Variants in NRG3 observed in about 807,000 individuals in gnomAD.
NRG3 encodes neuregulin 3, also known as pro-neuregulin-3, membrane-bound isoform.
In NRG3, 31 loss-of-function variants were observed where a neutral mutation model predicts 66.9. That is an observed-to-expected ratio of 0.46 (90% confidence interval 0.35 to 0.63). NRG3 has a LOEUF of 0.63. Among genes scored for constraint, NRG3 ranks in the 20% least tolerant of loss-of-function variants. The probability of loss-of-function intolerance (pLI) is 0.00; values close to 1 mark genes in which losing one functional copy is unlikely to be tolerated. For synonymous variants in NRG3, 393 were observed against 359.4 expected (o/e 1.09, Z -1.06); for missense variants, 910 against 878.9 (o/e 1.04, Z -0.45).
chr10:82,210,197 A>C (rs1419720517), intron 1 of NRG3, among the ~76,000 whole-genome samples: 1 of 152,172 alleles, frequency 6.6e-6, no homozygotes, highest in African/African-American at 2.4e-5. Flanking sequence ...CTTTACAGAT[A>C]CAGAGTTAAT....
intron 1 of NRG3, among the ~76,000 whole-genome samples, chr10:82,278,616 A>G (rs1374513914): frequency 6.6e-6 from 1 of 152,156 alleles, no homozygotes; most frequent in Non-Finnish European, 1.5e-5. Flanking sequence ...TTGTTTAACA[A>G]TGATTTGAGA....
intron 2 of NRG3, among the ~76,000 whole-genome samples, chr10:82,591,327 A>G (rs983963069): frequency 2.6e-5 from 4 of 152,222 alleles, no homozygotes; most frequent in Non-Finnish European, 4.4e-5. Flanking sequence ...GAAATGGGGA[A>G]AAAATGATAA....
intron 2 of NRG3, among the ~76,000 whole-genome samples, chr10:82,556,308 C>T (rs1205058062): frequency 6.6e-6 from 1 of 152,152 alleles, no homozygotes; most frequent in African/African-American, 2.4e-5. Context: ...AGTTAAGTTA[C>T]AATCTTAGAC....
At chr10:82,530,570 A>G (rs1847149174) in intron 2 of NRG3, among the ~76,000 whole-genome samples, 1 of 151,950 alleles carries the variant, frequency 6.6e-6, no homozygotes, top group South Asian at 2.1e-4. Context: ...CTCATTTCTA[A>G]GCATTCTCTT....
chr10:82,807,348 T>C lies in NRG3; in HGVS notation c.1028-58063T>C, dbSNP rs140438076. Among the ~76,000 whole-genome samples, 1,099 of 152,282 alleles carry C rather than the reference T, an allele frequency of 7.2e-3. 13 individuals carry two copies. Among genetic ancestry groups the C allele is most frequent in the African/African-American group, 0.025 (1,049 of 41,554 alleles). ...TTTGAGCAAGTAAACTTGCAAGGAC[T>C]CAATAAGGGGAACTGACAGTCATGA... On this transcript the variant is annotated intron_variant, in intron 3 of 8. Coordinates refer to ENST00000372141, the MANE Select transcript of NRG3 (RefSeq NM_001010848.4).
intron 1 of NRG3, among the ~76,000 whole-genome samples, chr10:82,356,272 A>G (rs1253791758): frequency 6.6e-6 from 1 of 152,242 alleles, no homozygotes; most frequent in Admixed American, 6.5e-5. Flanking sequence ...TTATAAAATA[A>G]GGATCTCACT....
At chr10:82,030,912 G>C (rs528540430) in intron 1 of NRG3, among the ~76,000 whole-genome samples, 5 of 152,246 alleles carry the variant, frequency 3.3e-5, no homozygotes, top group East Asian at 1.9e-4. Context: ...CCTGATTAGA[G>C]ATAGGTTGCA....
At chr10:82,267,682 C>T (rs1589528688) in intron 1 of NRG3, among the ~76,000 whole-genome samples, 1 of 152,208 alleles carries the variant, frequency 6.6e-6, no homozygotes, top group East Asian at 1.9e-4. Context: ...ATCTTTACCA[C>T]TGATGTGTTA....
At chr10:82,119,874 T>G (rs2132348582) in intron 1 of NRG3, among the ~76,000 whole-genome samples, 1 of 152,198 alleles carries the variant, frequency 6.6e-6, no homozygotes, top group East Asian at 1.9e-4. Flanking sequence ...TGTCCTCCTT[T>G]CTGCCATCCT....
chr10:82,426,185 G>A (rs997066755), intron 2 of NRG3, among the ~76,000 whole-genome samples: 5 of 152,106 alleles, frequency 3.3e-5, no homozygotes, highest in Non-Finnish European at 7.4e-5. Flanking sequence ...TACAACACCA[G>A]AGGTTTTTCT....
At chr10:82,614,976 T>G (rs1020497662) in intron 2 of NRG3, among the ~76,000 whole-genome samples, 1 of 152,166 alleles carries the variant, frequency 6.6e-6, no homozygotes, top group African/African-American at 2.4e-5. Flanking sequence ...CAGTTTCCCT[T>G]ATGTTTATTG....
chr10:82,390,387 T>A (rs935022411), intron 2 of NRG3, among the ~76,000 whole-genome samples: 1 of 152,068 alleles, frequency 6.6e-6, no homozygotes, highest in Non-Finnish European at 1.5e-5. Flanking sequence ...TTACTGACAT[T>A]CTCCAGCATA....
intron 1 of NRG3, among the ~76,000 whole-genome samples, chr10:81,924,012 G>T (rs1161193535): frequency 6.6e-6 from 1 of 152,202 alleles, no homozygotes; most frequent in African/African-American, 2.4e-5. Flanking sequence ...TAGGATGAAT[G>T]CTGAGTGAAT....
intron 2 of NRG3, among the ~76,000 whole-genome samples, chr10:82,647,918 G>C (rs2051080202): frequency 6.8e-6 from 1 of 147,730 alleles, no homozygotes; most frequent in South Asian, 2.2e-4. Context: ...TTTGTCAGAT[G>C]AGTAGGTTGC....
intron 1 of NRG3, among the ~76,000 whole-genome samples, chr10:81,987,328 G>A (rs1215930325): frequency 3.9e-5 from 6 of 152,210 alleles, no homozygotes; most frequent in East Asian, 3.9e-4. Context: ...CAGGTGATCC[G>A]CCTGCTTCAG....
chr10:82,891,785 G>A (rs1397901927), intron 4 of NRG3, among the ~76,000 whole-genome samples: 1 of 151,620 alleles, frequency 6.6e-6, no homozygotes, highest in Non-Finnish European at 1.5e-5. Context: ...CTCTCTGTCT[G>A]GGTAGACCAT....
At chr10:82,976,049 CT>C (rs1392660562) in intron 7 of NRG3, among the ~76,000 whole-genome samples, 1 of 151,988 alleles carries the variant, frequency 6.6e-6, no homozygotes, top group Non-Finnish European at 1.5e-5. Flanking sequence ...AGTCACTTAT[CT>C]TTTTTTATTA....
intron 1 of NRG3, among the ~76,000 whole-genome samples, chr10:81,920,178 C>T (rs1026749480): frequency 9.2e-5 from 14 of 152,036 alleles, no homozygotes; most frequent in Non-Finnish European, 7.4e-5. Context: ...GTGCAGGGAG[C>T]ACGCTGGGAA....
At chr10:82,927,426 C>A (rs2208787) in intron 4 of NRG3, among the ~76,000 whole-genome samples, 1 of 151,988 alleles carries the variant, frequency 6.6e-6, no homozygotes, top group Non-Finnish European at 1.5e-5. Flanking sequence ...TAGGTATACA[C>A]GGGCTATGGT....
Sources: allele counts gnomAD v4.1 joint callset (sites outside exome capture counted in the v4.1 genomes callset), GRCh38; gene constraint gnomAD v4.1.1; transcripts MANE v1.5; gene names NCBI Gene and HGNC (gene_info 2026-07-23, HGNC 2026-07-21).